PLXNC1: variants seen among roughly 807,000 people sequenced by gnomAD.
PLXNC1 encodes the protein plexin-C1.
In PLXNC1, 75 loss-of-function variants were observed where a neutral mutation model predicts 178.2. The ratio of observed to expected loss-of-function variants is 0.42; its 90% CI spans 0.35 to 0.51. The LOEUF (loss-of-function observed/expected upper bound fraction) is 0.51. Ranked by LOEUF, PLXNC1 falls within the 20% of genes least tolerant of loss-of-function variation. The pLI, the probability that PLXNC1 is intolerant of heterozygous loss-of-function variation, is 0.02. For synonymous variants in PLXNC1, 790 were observed against 779.9 expected, an observed-to-expected ratio of 1.01 and a Z score of -0.22; for missense variants, 1,503 against 1,984.4, an observed-to-expected ratio of 0.76 and a Z score of 4.61.
chr12:94,253,514 T>C (rs1000496286), intron 15 of PLXNC1, among the ~76,000 whole-genome samples: 3 of 151,992 alleles, frequency 2.0e-5, no homozygotes, highest in Non-Finnish European at 2.9e-5. Context: ...GAAAAAGGGG[T>C]TCCATGGTCA....
intron 9 of PLXNC1, among the ~76,000 whole-genome samples, chr12:94,231,075 G>C (rs1371046322): frequency 6.6e-6 from 1 of 152,170 alleles, no homozygotes; most frequent in African/African-American, 2.4e-5. Flanking sequence ...AAAGTACACA[G>C]AGAGCCTCTC....
At chr12:94,248,978 G>A (rs1391137709) in intron 14 of PLXNC1, among the ~76,000 whole-genome samples, 2 of 151,916 alleles carry the variant, frequency 1.3e-5, no homozygotes, top group Non-Finnish European at 2.9e-5. Context: ...CACTGAGAAG[G>A]GAAACACATT....
chr12:94,181,497 A>T lies in PLXNC1; in HGVS notation c.1255A>T (p.Ile419Phe), dbSNP rs1962304281. 1.9e-6 allele frequency: 3 copies of T among 1,595,340 alleles called. No individual in the cohort carries two copies. Among genetic ancestry groups the T allele is most frequent in the Non-Finnish European group, 2.6e-6 (3 of 1,163,172 alleles). The change falls in exon 3 of 31, where the codon ATT (isoleucine) becomes TTT (phenylalanine). Residue 419 changes from isoleucine (I) to phenylalanine (F), a missense_variant. This residue lies in a region of PLXNC1 where 615 missense variants were observed against 698.6 expected (regional missense o/e 0.88). Transcript: ENST00000258526. ...TSNCPEVIYE[I>F]KEETPVFYKL... ...AAATTGTCCAGAGGTTATCTATGAAATTAAAGAAGAGACACCTGTTTTCTA... is the reference window on the plus strand; with the variant it reads ...AAATTGTCCAGAGGTTATCTATGAATTTAAAGAAGAGACACCTGTTTTCTA...
rs1049937252 is a variant in PLXNC1 at position 94,248,220 on chromosome 12, T to G, written c.2593-7T>G. 34 of 1,607,554 alleles carry G rather than the reference T, an allele frequency of 2.1e-5. No homozygotes were observed. The highest frequency in any genetic ancestry group is 2.7e-5 in the Non-Finnish European group (32 of 1,176,300). ...TGATTTCTCCATCTTCATTTTGTTCTTTACAGAAAGAAAATGACAACTTCA... is the reference window on the plus strand; with the variant it reads ...TGATTTCTCCATCTTCATTTTGTTCGTTACAGAAAGAAAATGACAACTTCA... On this transcript the variant is annotated splice_region_variant and splice_polypyrimidine_tract_variant and intron_variant, in intron 13 of 30. Coordinates refer to ENST00000258526, the MANE Select transcript of PLXNC1 (RefSeq NM_005761.3).
At chr12:94,154,745 T>C (rs1180450274) in intron 1 of PLXNC1, among the ~76,000 whole-genome samples, 2 of 152,206 alleles carry the variant, frequency 1.3e-5, no homozygotes, top group Admixed American at 1.3e-4. Context: ...AGGTTTGCAT[T>C]GGTGACCACC....
intron 12 of PLXNC1, among the ~76,000 whole-genome samples, chr12:94,245,311 T>C (rs888774557): frequency 2.0e-5 from 3 of 152,234 alleles, no homozygotes; most frequent in African/African-American, 7.2e-5. Flanking sequence ...CAAAACATTT[T>C]GCTGGGTGCA....
chr12:94,301,214 T>C (rs1413469875), intron 28 of PLXNC1, among the ~76,000 whole-genome samples, 157 bp downstream of exon 28: 1 of 152,176 alleles, frequency 6.6e-6, no homozygotes, highest in African/African-American at 2.4e-5. Flanking sequence ...TTAAAATCTG[T>C]CTCATTATTT....
intron 23 of PLXNC1, among the ~76,000 whole-genome samples, chr12:94,284,087 G>GAAAAAAAA (rs796439911): frequency 1.2e-5 from 1 of 82,696 alleles, no homozygotes; most frequent in Admixed American, 1.4e-4. Flanking sequence ...CATGTCAGGG[G>GAAAAAAAA]AAAAAAAAAA....
intron 6 of PLXNC1, among the ~76,000 whole-genome samples, chr12:94,223,679 G>A (rs1241805835): frequency 2.0e-5 from 3 of 152,216 alleles, no homozygotes; most frequent in Admixed American, 1.3e-4. Flanking sequence ...TCTAACCAAT[G>A]AGTAGGTTTT....
intron 20 of PLXNC1, chr12:94,262,640 G>A (rs933922772): frequency 1.7e-5 from 17 of 985,286 alleles, no homozygotes; most frequent in Middle Eastern, 5.2e-4. Context: ...AATAATTCCC[G>A]CTGGTGCAGG....
intron 23 of PLXNC1, among the ~76,000 whole-genome samples, chr12:94,284,089 A>G (rs1028961890): frequency 4.4e-5 from 6 of 137,782 alleles, no homozygotes; most frequent in Admixed American, 1.4e-4. Flanking sequence ...TGTCAGGGGA[A>G]AAAAAAAAAA....
intron 4 of PLXNC1, among the ~76,000 whole-genome samples, chr12:94,205,868 A>C (rs1963283207): frequency 6.6e-6 from 1 of 152,168 alleles, no homozygotes; most frequent in South Asian, 2.1e-4. Flanking sequence ...AATGTCCTCT[A>C]TTAAGTGGTG....
chr12:94,300,172 G>A (rs534759792), intron 27 of PLXNC1, among the ~76,000 whole-genome samples: 1 of 152,274 alleles, frequency 6.6e-6, no homozygotes, highest in Admixed American at 6.5e-5. Context: ...TAATAGTTGG[G>A]GACAGACACT....
intron 1 of PLXNC1, among the ~76,000 whole-genome samples, chr12:94,159,883 T>C (rs988139505): frequency 6.6e-5 from 10 of 152,274 alleles, no homozygotes; most frequent in Admixed American, 2.0e-4. Context: ...ATGGATTTTG[T>C]TTATTGCAAT....
intron 20 of PLXNC1, among the ~76,000 whole-genome samples, chr12:94,263,272 C>T (rs1470585216): frequency 6.6e-6 from 1 of 151,790 alleles, no homozygotes; most frequent in Non-Finnish European, 1.5e-5. Flanking sequence ...AGAGAGATGG[C>T]AGCTCTGTAG....
intron 28 of PLXNC1, among the ~76,000 whole-genome samples, chr12:94,302,558 C>T (rs1189887768): frequency 6.6e-6 from 1 of 152,178 alleles, no homozygotes; most frequent in Non-Finnish European, 1.5e-5. Context: ...TTTGTTCACA[C>T]TAAAAACAGT....
At chr12:94,279,898 G>A (rs766130002) in intron 22 of PLXNC1, 9 of 641,348 alleles carry the variant, frequency 1.4e-5, no homozygotes, top group South Asian at 4.7e-5. Context: ...TAAATATTAC[G>A]TCTGTAAATC....
chr12:94,296,310 G>A, intron 24 of PLXNC1, among the ~76,000 whole-genome samples: 1 of 152,120 alleles, frequency 6.6e-6, no homozygotes, highest in East Asian at 1.9e-4. Flanking sequence ...ACAGGAGTGT[G>A]CTACCATGCT....
intron 20 of PLXNC1, among the ~76,000 whole-genome samples, chr12:94,264,382 T>G (rs988136492): frequency 1.3e-5 from 2 of 152,088 alleles, no homozygotes; most frequent in African/African-American, 4.8e-5. Flanking sequence ...GCCGAGTGTT[T>G]GGAGAAAAAC....
Sources: allele counts gnomAD v4.1 joint callset (sites outside exome capture counted in the v4.1 genomes callset), GRCh38; gene constraint gnomAD v4.1.1; regional missense constraint gnomAD v4.1.1; transcripts MANE v1.5; gene names NCBI Gene and HGNC (gene_info 2026-07-23, HGNC 2026-07-21).